Variants in CFAP57 observed in about 807,000 individuals in gnomAD.
CFAP57 encodes the protein cilia- and flagella-associated protein 57.
In CFAP57, 116 loss-of-function variants were observed where a neutral mutation model predicts 146.8. The observed-to-expected ratio is 0.79, with a 90% confidence interval of 0.68 to 0.92. The LOEUF is 0.92. Ranked by LOEUF, CFAP57 falls within the 40% of genes least tolerant of loss-of-function variation. The probability of loss-of-function intolerance (pLI) is 0.00; values close to 1 mark genes in which losing one functional copy is unlikely to be tolerated. For missense variants in CFAP57, 1,377 were observed against 1,527.2 expected (o/e 0.90, Z 1.64); for synonymous variants, 518 against 552.8 (o/e 0.94, Z 0.88).
chr1:43,231,351 G>A (rs562180969), intron 18 of CFAP57, among the ~76,000 whole-genome samples: 12 of 152,162 alleles, frequency 7.9e-5, no homozygotes, highest in South Asian at 2.1e-4. Flanking sequence ...CTACCTAGCC[G>A]TGAAAAAATC....
In CFAP57 at chr1:43,239,786, A is replaced by G. The variant is rs186802286; in HGVS notation, c.3406-3441A>G. ...GGAGAAATGGAGAGAGACCTCAAGC[A>G]AGCAAGCTTCCCCCTGTGGCTCTAA... On this transcript the variant is annotated intron_variant, in intron 21 of 22. Transcript: ENST00000372492. 2.6e-3 allele frequency among the ~76,000 whole-genome samples: 401 copies of G among 152,324 alleles called. 2 individuals carry two copies. The highest frequency in any genetic ancestry group is 0.014 in the South Asian group (69 of 4,828).
At chr1:43,181,945 A>C in intron 3 of CFAP57, 95 bp downstream of exon 3, 1 of 1,385,074 alleles carries the variant, frequency 7.2e-7, no homozygotes. Context: ...AATTTCCTCC[A>C]TGCATTTTAA....
In CFAP57 at chr1:43,181,832, G is replaced by T. The variant is rs751213061; in HGVS notation, c.456G>T (p.Gln152His). ...TGGCCATTGTTAGAATCGACACTCA[G>T]AACAACCCTGTCTACCAGGTACCTA... Reference protein sequence around the residue: ...KVMAIVRIDTQNNPVYQVSFS... With the variant: ...KVMAIVRIDTHNNPVYQVSFS... The change falls in exon 3 of 23, where the codon CAG becomes CAT. Residue 152 changes from glutamine (Q) to histidine (H), a missense_variant. Gln to His is a conservative substitution (Grantham distance 24). Coordinates refer to ENST00000372492, the MANE Select transcript of CFAP57 (RefSeq NM_001378189.1). 2 of 1,614,172 alleles carry T rather than the reference G, an allele frequency of 1.2e-6. No homozygotes were observed. The highest frequency in any genetic ancestry group is 2.2e-5 in the South Asian group (2 of 91,074).
At chr1:43,187,535 G>A (rs766870834) in intron 6 of CFAP57, among the ~76,000 whole-genome samples, 2 of 150,728 alleles carry the variant, frequency 1.3e-5, no homozygotes, top group African/African-American at 2.4e-5. Flanking sequence ...CAATTCAGTG[G>A]TCTTTAGTAT....
chr1:43,187,261 A>G (rs907982793), intron 6 of CFAP57, among the ~76,000 whole-genome samples: 1 of 152,210 alleles, frequency 6.6e-6, no homozygotes. Flanking sequence ...CACTGCAGAC[A>G]TTACAACAAA....
In CFAP57 at chr1:43,238,832, C is replaced by T. The variant is rs528942161; in HGVS notation, c.3405+4194C>T. 3.4e-4 allele frequency among the ~76,000 whole-genome samples: 52 copies of T among 152,082 alleles called. No homozygotes were observed. The highest frequency in any genetic ancestry group is 1.7e-3 in the South Asian group (8 of 4,816). On this transcript the variant is annotated intron_variant, in intron 21 of 22. Coordinates refer to ENST00000372492, the MANE Select transcript of CFAP57 (RefSeq NM_001378189.1). The surrounding 1 kb of genome is among the most constrained non-coding windows in gnomAD (Gnocchi z 4.3). ...GAGCAGGGCTCTCTGGATGGAGGCA[C>T]GACAGGGTTCAGACACCAGCTCTAC...
At chr1:43,206,347 G>A (rs577971498) in intron 9 of CFAP57, 26 of 211,748 alleles carry the variant, frequency 1.2e-4, no homozygotes, top group Non-Finnish European at 1.7e-4. Context: ...GGTTCTTACC[G>A]TGCCATTCCA....
chr1:43,203,250 T>G (rs778039220), intron 9 of CFAP57, among the ~76,000 whole-genome samples: 1 of 151,916 alleles, frequency 6.6e-6, no homozygotes, highest in Non-Finnish European at 1.5e-5. Context: ...TAGGCCCAGA[T>G]CTTATCACTG....
At chr1:43,194,087 T>C (rs558693218) in intron 6 of CFAP57, among the ~76,000 whole-genome samples, 13 of 152,268 alleles carry the variant, frequency 8.5e-5, no homozygotes, top group Admixed American at 1.3e-4. Flanking sequence ...TGAATTACTA[T>C]CTGGAGTAAC....
intron 19 of CFAP57, among the ~76,000 whole-genome samples, chr1:43,232,838 T>A (rs1645528175): frequency 6.6e-6 from 1 of 152,148 alleles, no homozygotes; most frequent in African/African-American, 2.4e-5. Context: ...TGACTTTGGG[T>A]AAGTGATCAA....
intron 8 of CFAP57, 119 bp from the exon 9 acceptor site, chr1:43,199,271 C>A: frequency 1.1e-6 from 1 of 932,068 alleles, no homozygotes; most frequent in Non-Finnish European, 1.8e-6. Context: ...CTTCCCCCCA[C>A]TCCCACCCTC....
chr1:43,192,287 T>C (rs1643585038), intron 6 of CFAP57, among the ~76,000 whole-genome samples: 1 of 152,196 alleles, frequency 6.6e-6, no homozygotes, highest in Non-Finnish European at 1.5e-5. Context: ...CTTCTGTTTC[T>C]TGTCATCTTC....
At chr1:43,172,557 G>T (rs1569746203) in intron 1 of CFAP57, 104 bp downstream of exon 1, 1 of 705,892 alleles carries the variant, frequency 1.4e-6, no homozygotes, top group Admixed American at 2.5e-5. Context: ...CGCGGAGGAG[G>T]ACCCCGGGGG....
chr1:43,192,809 C>G (rs2124383105), intron 6 of CFAP57, among the ~76,000 whole-genome samples: 1 of 152,024 alleles, frequency 6.6e-6, no homozygotes, highest in Admixed American at 6.6e-5. Context: ...TGCCTGTAAT[C>G]CCAGCTACTC....
At position 43,206,822 on chromosome 1, in the gene CFAP57, G is replaced by A. The variant is rs1444917260; in HGVS notation, c.1645G>A (p.Glu549Lys). The A allele has an allele frequency of 5.0e-6, 8 of 1,614,190 alleles. No homozygotes were observed. Among genetic ancestry groups the A allele is most frequent in the Admixed American group, 1.7e-5 (1 of 60,024 alleles). ...WNLSTGKRETECVLKSCSYNC... is the reference protein window; with the variant it reads ...WNLSTGKRETKCVLKSCSYNC... ...TCTGTCCACAGGAAAGAGAGAGACA[G>A]AATGCGTGCTCAAGTCTTGCAGCTA... The change falls in exon 10 of 23, where the codon GAA becomes AAA. Residue 549 changes from glutamate to lysine, a missense_variant. Physicochemically the swap from Glu to Lys is moderately conservative, Grantham distance 56 (BLOSUM62 1). Coordinates refer to ENST00000372492, the MANE Select transcript of CFAP57 (RefSeq NM_001378189.1).
At chr1:43,224,963 T>C (rs1222335423) in intron 17 of CFAP57, among the ~76,000 whole-genome samples, 1 of 152,184 alleles carries the variant, frequency 6.6e-6, no homozygotes, top group East Asian at 1.9e-4. Context: ...GATAACCACC[T>C]CAAGGGGTCT....
At chr1:43,246,100 C>G (rs572511613) in intron 22 of CFAP57, among the ~76,000 whole-genome samples, 48 of 152,276 alleles carry the variant, frequency 3.2e-4, no homozygotes, top group African/African-American at 1.1e-3. Flanking sequence ...GTCAGTACTA[C>G]CCAAAGTGAT....
chr1:43,248,153 A>C (rs550511000), intron 22 of CFAP57, among the ~76,000 whole-genome samples: 1 of 151,372 alleles, frequency 6.6e-6, no homozygotes, highest in Non-Finnish European at 1.5e-5. Flanking sequence ...AAAAAAAAAA[A>C]AAAAAAACAG....
At chr1:43,237,165 T>A (rs992913353) in intron 21 of CFAP57, among the ~76,000 whole-genome samples, 2 of 152,102 alleles carry the variant, frequency 1.3e-5, no homozygotes, top group Admixed American at 6.5e-5. Flanking sequence ...CCCTGGCACT[T>A]CAATCCAAAA....
Sources: allele counts gnomAD v4.1 joint callset (sites outside exome capture counted in the v4.1 genomes callset), GRCh38; gene constraint gnomAD v4.1.1; non-coding constraint Gnocchi (gnomAD v3.1); transcripts MANE v1.5; gene names NCBI Gene and HGNC (gene_info 2026-07-23, HGNC 2026-07-21).